The following DNAI4 variants were observed in gnomAD, a reference collection of about 807,000 sequenced individuals.
DNAI4 encodes the protein WD repeat domain 78.
In DNAI4, 85 loss-of-function variants were observed where a neutral mutation model predicts 105.8. The observed-to-expected ratio is 0.80, with a 90% CI of 0.67 to 0.96. The LOEUF is 0.96. Among genes scored for constraint, DNAI4 ranks in the 40% least tolerant of loss-of-function variants. DNAI4 has a pLI of 0.00. For missense variants in DNAI4, 1,014 were observed against 1,005.6 expected, an observed-to-expected ratio of 1.01 and a Z score of -0.11; for synonymous variants, 352 against 331.5, an observed-to-expected ratio of 1.06 and a Z score of -0.67.
At chr1:66,828,296 A>C (rs1645796593) in intron 13 of DNAI4, 1 of 153,104 alleles carries the variant, frequency 6.5e-6, no homozygotes, top group Admixed American at 6.5e-5. Context: ...AAGAAAAGAC[A>C]GATATACACT....
rs765545485 is a variant in DNAI4, at chr1:66,856,365, C to T, written c.1096+5782G>A. Reference sequence around the variant, plus strand: ...GCGGGCGCCTGTAGTCCCAGCTACTCGGGAGGCTGAGGCAGAAGAATGGCG... The same window carrying T: ...GCGGGCGCCTGTAGTCCCAGCTACTTGGGAGGCTGAGGCAGAAGAATGGCG... On this transcript the variant is annotated intron_variant, in intron 7 of 16. Coordinates refer to ENST00000371026, the MANE Select transcript of DNAI4 (RefSeq NM_024763.5). 7.3e-5 allele frequency among the ~76,000 whole-genome samples: 11 copies of T among 151,312 alleles called. 1 individual carries two copies. In the South Asian group the frequency reaches 8.3e-4, roughly 11 times the overall value.
At chr1:66,872,217 A>ATTTATTTATTTATTTAT (rs34323265) in intron 5 of DNAI4, among the ~76,000 whole-genome samples, 42 of 117,498 alleles carry the variant, frequency 3.6e-4, no homozygotes, top group Admixed American at 4.8e-4. Context: ...TTATTTATTT[A>ATTTATTTATTTATTTAT]TTATTTATTT....
At chr1:66,838,413 C>T (rs536602940) in intron 9 of DNAI4, among the ~76,000 whole-genome samples, 1 of 152,320 alleles carries the variant, frequency 6.6e-6, no homozygotes, top group South Asian at 2.1e-4. Context: ...AGAGCTCTCA[C>T]TGAAACTGAA....
chr1:66,889,398 A>G (rs1210340819), intron 4 of DNAI4, among the ~76,000 whole-genome samples: 2 of 152,350 alleles, frequency 1.3e-5, no homozygotes, highest in African/African-American at 4.8e-5. Flanking sequence ...TTTTGAGACC[A>G]TAAGAAAAGA....
chr1:66,921,650 A>G (rs1183226434), intron 1 of DNAI4, among the ~76,000 whole-genome samples: 1 of 152,244 alleles, frequency 6.6e-6, no homozygotes, highest in Non-Finnish European at 1.5e-5. Flanking sequence ...TTTCAATTTA[A>G]TAAACTCAAT....
chr1:66,820,622 G>A (rs1369681639), intron 16 of DNAI4, among the ~76,000 whole-genome samples: 1 of 151,990 alleles, frequency 6.6e-6, no homozygotes, highest in Admixed American at 6.6e-5. Flanking sequence ...GGTGGTAAAT[G>A]TTATTTAAAC....
intron 1 of DNAI4, among the ~76,000 whole-genome samples, chr1:66,914,084 G>C (rs1375911444): frequency 6.6e-6 from 1 of 151,282 alleles, no homozygotes; most frequent in Non-Finnish European, 1.5e-5. Context: ...AAAACCCCAG[G>C]CCACAGCTCT....
In DNAI4 at chr1:66,827,906, G is replaced by A; in HGVS notation, c.2018C>T (p.Thr673Ile). 6.3e-7 allele frequency: 1 copy of A among 1,597,198 alleles called. No individual in the cohort carries two copies. Among genetic ancestry groups the A allele is most frequent in the Non-Finnish European group, 8.5e-7 (1 of 1,170,530 alleles). The change falls in exon 14 of 17, where the codon ACA becomes ATA. Residue 673 changes from threonine to isoleucine, a missense_variant. Transcript: ENST00000371026. ...TTCAGTGCCAGCCAAATAGATATTTGTGTCCTACAACACAAAACATCGAAA... is the reference window on the plus strand; with the variant it reads ...TTCAGTGCCAGCCAAATAGATATTTATGTCCTACAACACAAAACATCGAAA... ...GMCFAFHPKD[T>I]NIYLAGTEEG...
chr1:66,888,927 C>G (rs1647365651), intron 4 of DNAI4, among the ~76,000 whole-genome samples: 1 of 152,036 alleles, frequency 6.6e-6, no homozygotes. Flanking sequence ...AAAGAGGATG[C>G]AATTAGTTGT....
chr1:66,921,510 G>A (rs1481608779), intron 1 of DNAI4: 2 of 152,102 alleles, frequency 1.3e-5, no homozygotes, highest in Non-Finnish European at 2.9e-5. Flanking sequence ...AAAAAGTGAA[G>A]GTTATACTAC....
intron 1 of DNAI4, chr1:66,907,005 T>A (rs1197062123): frequency 6.6e-6 from 1 of 152,200 alleles, no homozygotes; most frequent in Non-Finnish European, 1.5e-5. Context: ...CTTATTTTTT[T>A]CTCTTTTCCC....
chr1:66,883,969 ATCT>A (rs1647136888), intron 4 of DNAI4, among the ~76,000 whole-genome samples: 1 of 152,148 alleles, frequency 6.6e-6, no homozygotes, highest in Non-Finnish European at 1.5e-5. Flanking sequence ...CCCTTTGATC[ATCT>A]TCTCCCCAAT....
In DNAI4 at chr1:66,905,249, A is replaced by T. The variant is rs760203649; in HGVS notation, c.297T>A (p.Pro99=). 8 of 1,572,980 alleles carry T rather than the reference A, an allele frequency of 5.1e-6. No homozygotes were observed. In the East Asian group the frequency reaches 1.8e-4, roughly 36 times the overall value. Residue 99 remains proline (P), a synonymous_variant, in exon 2 of 17, where the codon CCT becomes CCA. Transcript: ENST00000371026. The stretch of plus-strand genomic sequence containing the variant: ...TTGGTTTTTCTACAGTTTTCAGTTC[A>T]GGTGGAATAAGCACGGTTTTGGACA... The part of the protein sequence containing the change: ...MAVSKTVLIP[P]ELKTVEKPNP...
chr1:66,904,407 T>A lies in DNAI4; in HGVS notation c.345+794A>T, dbSNP rs112311266. 9.2e-3 allele frequency among the ~76,000 whole-genome samples: 1,405 copies of A among 152,298 alleles called. 12 individuals carry two copies. The highest frequency in any genetic ancestry group is 0.024 in the Admixed American group (360 of 15,304). On this transcript the variant is annotated intron_variant, in intron 2 of 16. Coordinates refer to ENST00000371026, the MANE Select transcript of DNAI4 (RefSeq NM_024763.5). ...TTTTAATTTTAGCCATTCTAATAGG[T>A]ACTTAGCAGTATTGTATGGTTTTTA...
At chr1:66,898,946 T>C (rs1051187618) in intron 2 of DNAI4, among the ~76,000 whole-genome samples, 10 of 152,238 alleles carry the variant, frequency 6.6e-5, no homozygotes, top group Admixed American at 2.0e-4. Context: ...GCTTCATTCC[T>C]TTTTATGGTT....
At chr1:66,887,235 C>T (rs1647237346) in intron 4 of DNAI4, among the ~76,000 whole-genome samples, 2 of 152,196 alleles carry the variant, frequency 1.3e-5, no homozygotes, top group Admixed American at 1.3e-4. Flanking sequence ...TGTGTTCCTC[C>T]AGTTTATGGT....
chr1:66,836,252 GAGAGAA>G (rs1250287772), intron 10 of DNAI4, among the ~76,000 whole-genome samples: 39 of 111,712 alleles, frequency 3.5e-4, no homozygotes, highest in African/African-American at 5.7e-4. Flanking sequence ...GAAAGAGAGA[GAGAGAA>G]AGAAAGAAAG....
intron 7 of DNAI4, among the ~76,000 whole-genome samples, chr1:66,856,520 C>T (rs969644310): frequency 6.6e-6 from 1 of 151,802 alleles, no homozygotes; most frequent in Admixed American, 6.6e-5. Flanking sequence ...AATAGTTAAT[C>T]GATTATCAAC....
At chr1:66,917,122 A>T (rs1016342361) in intron 1 of DNAI4, among the ~76,000 whole-genome samples, 1 of 152,234 alleles carries the variant, frequency 6.6e-6, no homozygotes, top group Non-Finnish European at 1.5e-5. Context: ...GACAGGGAGC[A>T]TTGTCAAATA....
Sources: gnomAD v4.1 joint callset for allele counts (sites outside exome capture counted in the v4.1 genomes callset) on GRCh38, gnomAD v4.1.1 for gene constraint, MANE v1.5 for transcripts, NCBI Gene and HGNC (gene_info 2026-07-23, HGNC 2026-07-21) for gene names.